The following PELI2 variants were observed in gnomAD, a reference collection of about 807,000 sequenced individuals.
The protein encoded by PELI2 is pellino E3 ubiquitin protein ligase family member 2.
Under a neutral mutation model 42.3 loss-of-function variants are expected in PELI2, and 23 were observed. That is an observed-to-expected ratio of 0.54 (90% confidence interval 0.39 to 0.77). The LOEUF (loss-of-function observed/expected upper bound fraction) is 0.77, where lower values mean the gene tolerates loss of function less well. Among genes scored for constraint, PELI2 ranks in the 30% least tolerant of loss-of-function variants. PELI2 has a pLI of 0.00. For synonymous variants in PELI2, 245 were observed against 212.2 expected (o/e 1.15, Z -1.34); for missense variants, 463 against 553.2 (o/e 0.84, Z 1.64).
At chr14:56,296,350 C>T (rs1006681622) in intron 5 of PELI2, among the ~76,000 whole-genome samples, 1 of 152,146 alleles carries the variant, frequency 6.6e-6, no homozygotes, top group Non-Finnish European at 1.5e-5. Flanking sequence ...AGTAATTGAA[C>T]ATGTAAAGCT....
At chr14:56,220,633 A>G (rs1887092323) in intron 2 of PELI2, among the ~76,000 whole-genome samples, 1 of 152,174 alleles carries the variant, frequency 6.6e-6, no homozygotes, top group Non-Finnish European at 1.5e-5. Flanking sequence ...GAGTATAACA[A>G]TGAAAAGCAA....
chr14:56,134,003 C>A (rs1883592035), intron 1 of PELI2, among the ~76,000 whole-genome samples: 1 of 152,074 alleles, frequency 6.6e-6, no homozygotes, highest in Non-Finnish European at 1.5e-5. Context: ...AGGTACTTAG[C>A]TTATTTATAT....
Position 56,152,597 on chromosome 14 carries a change from G to A in PELI2, c.78-25738G>A, listed in dbSNP as rs1004318187. Among the ~76,000 whole-genome samples the A allele has an allele frequency of 3.9e-5, 6 of 152,062 alleles. No individual in the cohort carries two copies. The South Asian group carries it at 6.2e-4, about 16-fold the overall frequency. On this transcript the variant is annotated intron_variant, in intron 1 of 5. Coordinates refer to ENST00000267460, the MANE Select transcript of PELI2 (RefSeq NM_021255.3). ...TAAGCTCTAAGTCTGTCCTGCACAG[G>A]TCTTGTTTAGACCTCCCTTGGGTCA...
chr14:56,143,041 C>T (rs1378440764), intron 1 of PELI2, among the ~76,000 whole-genome samples: 1 of 152,178 alleles, frequency 6.6e-6, no homozygotes, highest in Admixed American at 6.5e-5. Context: ...CCAGTTTTTC[C>T]CCAATCCTTT....
intron 2 of PELI2, among the ~76,000 whole-genome samples, chr14:56,200,466 C>T (rs376894131): frequency 1.3e-5 from 2 of 152,172 alleles, no homozygotes; most frequent in Admixed American, 6.5e-5. Context: ...TGTCTAATGC[C>T]GGAGCTTCCT....
intron 1 of PELI2, among the ~76,000 whole-genome samples, chr14:56,134,779 T>A (rs996518408): frequency 1.4e-5 from 2 of 144,916 alleles, no homozygotes; most frequent in Non-Finnish European, 3.0e-5. Context: ...AGTAAACTAT[T>A]TTTTTTTTTT....
intron 1 of PELI2, among the ~76,000 whole-genome samples, chr14:56,173,141 G>A (rs191376691): frequency 7.5e-4 from 114 of 152,184 alleles, no homozygotes; most frequent in Non-Finnish European, 1.3e-3. Context: ...GCCTCCCCCC[G>A]GATGTCCCTG....
intron 2 of PELI2, among the ~76,000 whole-genome samples, chr14:56,185,819 T>C (rs1304376518): frequency 6.6e-6 from 1 of 152,176 alleles, no homozygotes; most frequent in African/African-American, 2.4e-5. Flanking sequence ...AATTGCTGCT[T>C]TGCTGTGTGG....
chr14:56,264,452 A>G (rs761800579), intron 2 of PELI2, among the ~76,000 whole-genome samples: 15 of 152,218 alleles, frequency 9.9e-5, no homozygotes, highest in Non-Finnish European at 1.3e-4. Flanking sequence ...TTCCCAATAC[A>G]TAGATGAGGC....
rs78104814 is a variant in PELI2 at position 56,219,495 on chromosome 14, A to T, written c.207+41031A>T. Among the ~76,000 whole-genome samples, 2,171 of 152,266 alleles carry T rather than the reference A, an allele frequency of 0.014. 22 individuals carry two copies. Among genetic ancestry groups the T allele is most frequent in the Middle Eastern group, 0.058 (17 of 292 alleles). ...TTTTACCCCTCAGCACTCAGCTATC[A>T]CAGTCATAGCTCTCTCATCTGAGCA... On this transcript the variant is annotated intron_variant, in intron 2 of 5. Transcript: ENST00000267460. The surrounding 1 kb of genome is among the most constrained non-coding windows in gnomAD (Gnocchi z 4.1).
At chr14:56,243,652 T>A (rs1157732932) in intron 2 of PELI2, among the ~76,000 whole-genome samples, 3 of 152,242 alleles carry the variant, frequency 2.0e-5, no homozygotes, top group African/African-American at 7.2e-5. Context: ...TTTGGGTCAT[T>A]ATTATTGTGT....
intron 2 of PELI2, among the ~76,000 whole-genome samples, chr14:56,228,900 T>C (rs1887458037): frequency 6.6e-6 from 1 of 152,224 alleles, no homozygotes; most frequent in African/African-American, 2.4e-5. Flanking sequence ...ACTCCCACCC[T>C]AATACTGTGC....
At chr14:56,156,576 G>C (rs373082432) in intron 1 of PELI2, among the ~76,000 whole-genome samples, 1 of 152,194 alleles carries the variant, frequency 6.6e-6, no homozygotes, top group African/African-American at 2.4e-5. Context: ...CACTTGACAT[G>C]ATTGAAAATC....
At chr14:56,281,331 C>G (rs971196496) in intron 3 of PELI2, among the ~76,000 whole-genome samples, 14 of 151,976 alleles carry the variant, frequency 9.2e-5, no homozygotes, top group African/African-American at 3.1e-4. Flanking sequence ...TACCATGCAG[C>G]CATTACATGA....
chr14:56,141,162 A>G (rs1271255330), intron 1 of PELI2, among the ~76,000 whole-genome samples: 1 of 152,188 alleles, frequency 6.6e-6, no homozygotes, highest in Non-Finnish European at 1.5e-5. Flanking sequence ...CATAGATGAA[A>G]CTAAAACTTG....
chr14:56,252,799 T>C (rs916816884), intron 2 of PELI2, among the ~76,000 whole-genome samples: 1 of 152,198 alleles, frequency 6.6e-6, no homozygotes, highest in Non-Finnish European at 1.5e-5. Context: ...CTGGTACCAT[T>C]CCTTCTGAAA....
chr14:56,173,709 A>G (rs907095999), intron 1 of PELI2, among the ~76,000 whole-genome samples: 1 of 152,082 alleles, frequency 6.6e-6, no homozygotes, highest in African/African-American at 2.4e-5. Flanking sequence ...TTGTGGTTGC[A>G]TCACCCCAGT....
At position 56,301,296 on chromosome 14, in the gene PELI2, C is replaced by T. The variant is rs1381329332; in HGVS notation, c.*4130C>T. 1.3e-5 allele frequency: 2 copies of T among 152,614 alleles called. No individual in the cohort carries two copies. Among genetic ancestry groups the T allele is most frequent in the Non-Finnish European group, 2.9e-5 (2 of 68,034 alleles). The allele number at this position is 152,614 out of a possible 1,614,324, so 9.5% of individuals were successfully genotyped here. A position where few individuals can be genotyped will look rare whatever the true frequency, so the allele number is the denominator to read the frequency against. On this transcript the variant is annotated 3_prime_UTR_variant, in exon 6 of 6. Transcript: ENST00000267460. ...TCTTCAAAAACTATTAAATGGATAT[C>T]AGCCTGTTTGTGAGCCATTGTCTTC...
At chr14:56,246,509 TC>T (rs1888166292) in intron 2 of PELI2, among the ~76,000 whole-genome samples, 1 of 152,210 alleles carries the variant, frequency 6.6e-6, no homozygotes, top group Admixed American at 6.5e-5. Context: ...TTCTGGCCTC[TC>T]CGAGCCTCTG....
Sources: gnomAD v4.1 joint callset for allele counts (sites outside exome capture counted in the v4.1 genomes callset) on GRCh38, gnomAD v4.1.1 for gene constraint, Gnocchi (gnomAD v3.1) non-coding constraint, MANE v1.5 for transcripts, NCBI Gene and HGNC (gene_info 2026-07-23, HGNC 2026-07-21) for gene names.